Variants in JMJD1C observed in about 807,000 individuals in gnomAD.
JMJD1C encodes jumonji domain-containing protein 1C.
In JMJD1C, 31 loss-of-function variants were observed where a neutral mutation model predicts 245.3. That is an observed-to-expected ratio of 0.13 (90% confidence interval 0.09 to 0.17). The LOEUF is 0.17. Ranked by LOEUF, JMJD1C falls within the 10% of genes least tolerant of loss-of-function variation. JMJD1C has a pLI of 1.00. For missense variants in JMJD1C, 2,691 were observed against 3,000.2 expected (o/e 0.90, Z 2.41); for synonymous variants, 1,057 against 1,017.4 (o/e 1.04, Z -0.74).
intron 1 of JMJD1C, among the ~76,000 whole-genome samples, chr10:63,438,437 G>A (rs147945790): frequency 6.4e-4 from 98 of 152,092 alleles, no homozygotes; most frequent in African/African-American, 1.9e-3. Context: ...CCTCCTAACC[G>A]CTCTCCCTGC....
chr10:63,267,746 G>GT (rs990682863), intron 2 of JMJD1C, among the ~76,000 whole-genome samples: 3 of 151,964 alleles, frequency 2.0e-5, no homozygotes, highest in African/African-American at 4.8e-5. Flanking sequence ...TAGAGTGAGA[G>GT]TTTTTTTTAA....
chr10:63,420,609 G>C (rs1419723876), intron 1 of JMJD1C, among the ~76,000 whole-genome samples: 1 of 151,472 alleles, frequency 6.6e-6, no homozygotes, highest in African/African-American at 2.4e-5. Flanking sequence ...GGGGGTGGGG[G>C]GCGCGGGGCA....
At chr10:63,416,145 C>A (rs778054057) in intron 1 of JMJD1C, among the ~76,000 whole-genome samples, 1 of 152,030 alleles carries the variant, frequency 6.6e-6, no homozygotes, top group Non-Finnish European at 1.5e-5. Flanking sequence ...AAAAGCCAAC[C>A]AAAGACGATA....
chr10:63,461,941 G>A (rs1952826124), intron 1 of JMJD1C, among the ~76,000 whole-genome samples: 1 of 152,066 alleles, frequency 6.6e-6, no homozygotes, highest in South Asian at 2.1e-4. Flanking sequence ...ATTATTCAAG[G>A]AGACAAATAT....
intron 24 of JMJD1C, among the ~76,000 whole-genome samples, chr10:63,173,748 A>G (rs1842615208): frequency 6.6e-6 from 1 of 152,086 alleles, no homozygotes; most frequent in Non-Finnish European, 1.5e-5. Context: ...TGAAAAAAAA[A>G]TGCTCTTTGA....
rs11367621 is a variant in JMJD1C at position 63,357,947 on chromosome 10, TAA to T, written c.333+22369_333+22370del. ...CCCCTGCCAGCCCCCAAGAACTAAATAAAAAAAAAAAAAACCTCTCAAATTAG... is the reference window on the plus strand; with the variant it reads ...CCCCTGCCAGCCCCCAAGAACTAAATAAAAAAAAAAAACCTCTCAAATTAG... On this transcript the variant is annotated intron_variant, in intron 2 of 25. Coordinates refer to ENST00000399262, the MANE Select transcript of JMJD1C (RefSeq NM_032776.3). Among the ~76,000 whole-genome samples the T allele has an allele frequency of 4.7e-3, 680 of 144,180 alleles. 11 individuals carry two copies. The highest frequency in any genetic ancestry group is 0.015 in the African/African-American group (570 of 38,952). 94.6% of individuals were successfully genotyped at this position (144,180 alleles called of 152,430 possible).
chr10:63,318,147 C>G (rs1347990052), intron 2 of JMJD1C, among the ~76,000 whole-genome samples: 1 of 152,186 alleles, frequency 6.6e-6, no homozygotes, highest in Non-Finnish European at 1.5e-5. Context: ...CTGGGAATTA[C>G]AGGTGCCTGC....
chr10:63,411,924 T>G (rs1949511042), intron 1 of JMJD1C, among the ~76,000 whole-genome samples: 1 of 149,862 alleles, frequency 6.7e-6, no homozygotes, highest in African/African-American at 2.5e-5. Flanking sequence ...TTTTTTTTTT[T>G]TTTTAAATAG....
intron 3 of JMJD1C, among the ~76,000 whole-genome samples, chr10:63,252,007 C>G (rs1332091981): frequency 6.6e-6 from 1 of 152,132 alleles, no homozygotes; most frequent in African/African-American, 2.4e-5. Context: ...GAGCAAGACT[C>G]CGTCTCAAAG....
intron 2 of JMJD1C, among the ~76,000 whole-genome samples, chr10:63,345,320 C>G (rs1228178157): frequency 6.6e-6 from 1 of 151,996 alleles, no homozygotes; most frequent in Non-Finnish European, 1.5e-5. Flanking sequence ...AACCCTGTCT[C>G]TACTAAAGAT....
chr10:63,176,653 A>G, intron 23 of JMJD1C, 180 bp from the exon 24 acceptor site: 1 of 587,394 alleles, frequency 1.7e-6, no homozygotes, highest in South Asian at 2.2e-5. Context: ...GCCAAAGAAT[A>G]TTAAAACAAT....
At chr10:63,378,379 C>T (rs746627184) in intron 2 of JMJD1C, among the ~76,000 whole-genome samples, 50 of 152,048 alleles carry the variant, frequency 3.3e-4, no homozygotes, top group Non-Finnish European at 5.9e-4. Context: ...ATCACGAGGT[C>T]AGGAGATCGA....
At chr10:63,190,047 T>C (rs1465525289) in intron 17 of JMJD1C, among the ~76,000 whole-genome samples, 2 of 151,862 alleles carry the variant, frequency 1.3e-5, no homozygotes, top group Non-Finnish European at 2.9e-5. Flanking sequence ...TGCATCACCA[T>C]GCACCATGCC....
At chr10:63,399,675 C>CAT (rs1948731977) in intron 1 of JMJD1C, among the ~76,000 whole-genome samples, 2 of 152,058 alleles carry the variant, frequency 1.3e-5, no homozygotes, top group Admixed American at 6.6e-5. Flanking sequence ...AACCCCCAGG[C>CAT]ATATATAATT....
At chr10:63,396,858 C>T (rs1353599220) in intron 1 of JMJD1C, among the ~76,000 whole-genome samples, 1 of 149,908 alleles carries the variant, frequency 6.7e-6, no homozygotes, top group Non-Finnish European at 1.5e-5. Context: ...CAAACTACAT[C>T]TCAGTTTCAT....
intron 1 of JMJD1C, among the ~76,000 whole-genome samples, chr10:63,501,001 A>G (rs1307248949): frequency 2.2e-5 from 3 of 136,024 alleles, no homozygotes; most frequent in Non-Finnish European, 3.1e-5. Flanking sequence ...CTACATTCAT[A>G]TAAGATAGAC....
intron 2 of JMJD1C, among the ~76,000 whole-genome samples, chr10:63,359,590 T>G (rs1945150204): frequency 6.6e-6 from 1 of 152,230 alleles, no homozygotes; most frequent in African/African-American, 2.4e-5. Flanking sequence ...ATGAATACTT[T>G]TCATTACCCA....
intron 2 of JMJD1C, among the ~76,000 whole-genome samples, chr10:63,270,271 A>G (rs1392697949): frequency 1.3e-5 from 2 of 151,872 alleles, no homozygotes; most frequent in Non-Finnish European, 2.9e-5. Context: ...GGTTCAAGCG[A>G]TTCTCCTCCC....
At chr10:63,346,039 T>C (rs1367770408) in intron 2 of JMJD1C, among the ~76,000 whole-genome samples, 1 of 152,192 alleles carries the variant, frequency 6.6e-6, no homozygotes, top group African/African-American at 2.4e-5. Flanking sequence ...ATGCAGCAGA[T>C]ATTTTTAAAT....
Sources: gnomAD v4.1 joint callset for allele counts (sites outside exome capture counted in the v4.1 genomes callset) on GRCh38, gnomAD v4.1.1 for gene constraint, MANE v1.5 for transcripts, NCBI Gene and HGNC (gene_info 2026-07-23, HGNC 2026-07-21) for gene names.